Variants in GLRX5 observed in about 807,000 individuals in gnomAD.
The protein encoded by GLRX5 is glutaredoxin 5, also known as glutaredoxin-related protein 5, mitochondrial.
A neutral mutation model predicts 13.8 loss-of-function variants in GLRX5; 10 were observed. The observed-to-expected ratio is 0.72, with a 90% CI of 0.45 to 1.23. The LOEUF (loss-of-function observed/expected upper bound fraction) is 1.23, where lower values mean the gene tolerates loss of function less well. Among genes scored for constraint, GLRX5 ranks in the 50% most tolerant of loss-of-function variants. The pLI, the probability that GLRX5 is intolerant of heterozygous loss-of-function variation, is 0.00. For synonymous variants in GLRX5, 98 were observed against 101.1 expected, an observed-to-expected ratio of 0.97 and a Z score of 0.18; for missense variants, 233 against 215.2, an observed-to-expected ratio of 1.08 and a Z score of -0.52.
chr14:95,543,910 A>T, intron 1 of GLRX5, 37 bp from the exon 2 acceptor site: 1 of 1,566,934 alleles, frequency 6.4e-7, no homozygotes, highest in Admixed American at 1.7e-5. Context: ...TTCAGCTTTT[A>T]CCATTTAAAT....
chr14:95,544,238 G>A lies in GLRX5; in HGVS notation c.*113G>A. 1.2e-6 allele frequency: 1 copy of A among 805,786 alleles called. No individual in the cohort carries two copies. The highest frequency in any genetic ancestry group is 2.1e-6 in the Non-Finnish European group (1 of 474,886). The allele number at this position is 805,786 out of a possible 1,614,324, so 49.9% of individuals were successfully genotyped here. ...TATTGAGACCGCAACTGCTTGCACT[G>A]ATCATTTTGGTTCGTGAGCAGTTGG... On this transcript the variant is annotated 3_prime_UTR_variant, in exon 2 of 2. Coordinates refer to ENST00000331334, the MANE Select transcript of GLRX5 (RefSeq NM_016417.3).
chr14:95,537,879 CCTT>C (rs1300692995), intron 1 of GLRX5, among the ~76,000 whole-genome samples: 1 of 152,210 alleles, frequency 6.6e-6, no homozygotes, highest in Non-Finnish European at 1.5e-5. Flanking sequence ...CTTCTCAAGA[CCTT>C]CTTGTCCTTC....
At chr14:95,539,073 A>G (rs749881853) in intron 1 of GLRX5, among the ~76,000 whole-genome samples, 8 of 152,264 alleles carry the variant, frequency 5.3e-5, no homozygotes, top group Non-Finnish European at 1.0e-4. Flanking sequence ...AGGTTCTCAT[A>G]GGAGCACAAA....
rs542758630 is a variant in GLRX5 at position 95,535,394 on chromosome 14, G to A, written c.295+10G>A. The A allele has an allele frequency of 1.6e-5, 25 of 1,546,720 alleles. No homozygotes were observed. The highest frequency in any genetic ancestry group is 2.2e-5 in the Non-Finnish European group (25 of 1,145,990). ...CCGGAGCTCCGACAAGGTCAGGCCA[G>A]TGTGCCGGGCAGGCGCCCTCCGCCC... On this transcript the variant is annotated intron_variant, in intron 1 of 1. Transcript: ENST00000331334.
chr14:95,535,100 C>A lies in GLRX5; in HGVS notation c.11C>A (p.Ser4Tyr), dbSNP rs1314496575. Residue 4 changes from serine to tyrosine, a missense_variant, in exon 1 of 2, where the codon TCC becomes TAC. By Grantham distance (144) the Ser-to-Tyr change is moderately radical. Transcript: ENST00000331334. MSGSLGRAAAALLR... is the reference protein window; with the variant it reads MSGYLGRAAAALLR... ...GGCTTGCGTGCGGAGATGAGCGGGT[C>A]CCTCGGCCGAGCTGCGGCGGCTCTG... 2 of 1,317,268 alleles carry A rather than the reference C, an allele frequency of 1.5e-6. No homozygotes were observed. 81.6% of individuals were successfully genotyped at this position (1,317,268 alleles called of 1,614,324 possible).
chr14:95,543,689 G>T, intron 1 of GLRX5: 3 of 491,316 alleles, frequency 6.1e-6, no homozygotes, highest in African/African-American at 3.9e-5. Context: ...CTTGGGAGAT[G>T]AGGGTGGAAA....
intron 1 of GLRX5, among the ~76,000 whole-genome samples, chr14:95,539,233 C>T (rs953670952): frequency 6.6e-6 from 1 of 152,214 alleles, no homozygotes; most frequent in Admixed American, 6.5e-5. Flanking sequence ...TCCACAAAAC[C>T]AGTCCCTGGT....
chr14:95,542,217 A>G (rs1234700483), intron 1 of GLRX5, among the ~76,000 whole-genome samples: 1 of 152,256 alleles, frequency 6.6e-6, no homozygotes, highest in Non-Finnish European at 1.5e-5. Flanking sequence ...AAACATCACC[A>G]TGATGAACAA....
rs778132643 is a variant in GLRX5 at position 95,535,050 on chromosome 14, G to C, written c.-40G>C. ...CGGGGAGCGCTCTGGGTGGCCAGCT[G>C]TGGGCCCGGGCCGTCGTGGGCTCCG... On this transcript the variant is annotated 5_prime_UTR_variant, in exon 1 of 2. Coordinates refer to ENST00000331334, the MANE Select transcript of GLRX5 (RefSeq NM_016417.3). The C allele has an allele frequency of 7.7e-7, 1 of 1,304,692 alleles. No individual in the cohort carries two copies. Among genetic ancestry groups the C allele is most frequent in the South Asian group, 1.6e-5 (1 of 63,402 alleles). The allele number at this position is 1,304,692 out of a possible 1,614,324, so 80.8% of individuals were successfully genotyped here.
At chr14:95,536,322 G>C (rs571108874) in intron 1 of GLRX5, among the ~76,000 whole-genome samples, 1 of 152,354 alleles carries the variant, frequency 6.6e-6, no homozygotes, top group Admixed American at 6.5e-5. Context: ...GTCAGGGTTG[G>C]TGGAAAACTG....
chr14:95,535,585 C>G (rs1394575881), intron 1 of GLRX5, among the ~76,000 whole-genome samples: 2 of 152,178 alleles, frequency 1.3e-5, no homozygotes, highest in Non-Finnish European at 2.9e-5. Context: ...TTCACTGGGT[C>G]TTGAGGATCT....
chr14:95,538,549 G>T (rs879519211), intron 1 of GLRX5, among the ~76,000 whole-genome samples: 2 of 152,248 alleles, frequency 1.3e-5, no homozygotes, highest in African/African-American at 2.4e-5. Flanking sequence ...TGGTGCACAT[G>T]TATGCTGCAG....
chr14:95,541,013 C>G (rs1891465429), intron 1 of GLRX5, among the ~76,000 whole-genome samples: 1 of 152,176 alleles, frequency 6.6e-6, no homozygotes, highest in Non-Finnish European at 1.5e-5. Flanking sequence ...CCTCCTAACT[C>G]CCAGTTCCTA....
rs375714975 is a variant in GLRX5 at position 95,535,130 on chromosome 14, G to T, written c.41G>T (p.Arg14Leu). ...SLGRAAAALL[R>L]WGRGAGGGGL... ...GGCCGAGCTGCGGCGGCTCTGCTCC[G>T]CTGGGGGCGCGGCGCGGGCGGCGGT... is the stretch of plus-strand genomic sequence containing the variant. The change falls in exon 1 of 2, where the codon CGC (arginine) becomes CTC (leucine). Residue 14 changes from arginine (R) to leucine (L), a missense_variant. Coordinates refer to ENST00000331334, the MANE Select transcript of GLRX5 (RefSeq NM_016417.3). 11 of 1,242,440 alleles carry T rather than the reference G, an allele frequency of 8.9e-6. No individual in the cohort carries two copies. The East Asian group carries it at 1.5e-4, about 17-fold the overall frequency. 77.0% of individuals were successfully genotyped at this position (1,242,440 alleles called of 1,614,324 possible). A position where few individuals can be genotyped will look rare whatever the true frequency, so the allele number is the denominator to read the frequency against.
chr14:95,536,804 C>G (rs1488160581), intron 1 of GLRX5, among the ~76,000 whole-genome samples: 1 of 152,174 alleles, frequency 6.6e-6, no homozygotes, highest in Non-Finnish European at 1.5e-5. Context: ...AACTGATCCT[C>G]CATTTGCTGT....
chr14:95,535,774 G>A (rs896037521), intron 1 of GLRX5, among the ~76,000 whole-genome samples: 3 of 152,218 alleles, frequency 2.0e-5, no homozygotes, highest in African/African-American at 7.2e-5. Flanking sequence ...CCCACTGTGA[G>A]ATAGGTACTT....
rs568425362 is a variant in GLRX5 at position 95,536,882 on chromosome 14, A to G, written c.295+1498A>G. On this transcript the variant is annotated intron_variant, in intron 1 of 1. Transcript: ENST00000331334. ...TTGAGGAGTCGAGAGGGCAGGTTCA[A>G]ATTACCACGTATATGTAATATTACC... Among the ~76,000 whole-genome samples, 4 of 152,234 alleles carry G rather than the reference A, an allele frequency of 2.6e-5. No homozygotes were observed. In the South Asian group the frequency reaches 8.3e-4, roughly 32 times the overall value.
At chr14:95,541,793 A>AT (rs1566704733) in intron 1 of GLRX5, among the ~76,000 whole-genome samples, 3 of 152,310 alleles carry the variant, frequency 2.0e-5, no homozygotes, top group South Asian at 4.1e-4. Context: ...AAAAACATGT[A>AT]TTTTTTGGGT....
intron 1 of GLRX5, among the ~76,000 whole-genome samples, chr14:95,536,811 C>T (rs1891389547): frequency 6.6e-6 from 1 of 152,114 alleles, no homozygotes; most frequent in South Asian, 2.1e-4. Flanking sequence ...CCTCCATTTG[C>T]TGTAGGTGAT....
Sources: gnomAD v4.1 joint callset for allele counts (sites outside exome capture counted in the v4.1 genomes callset) on GRCh38, gnomAD v4.1.1 for gene constraint, MANE v1.5 for transcripts, NCBI Gene and HGNC (gene_info 2026-07-23, HGNC 2026-07-21) for gene names.